The following PDE10A variants were observed in gnomAD, a reference collection of about 807,000 sequenced individuals.
The protein encoded by PDE10A is cAMP and cAMP-inhibited cGMP 3',5'-cyclic phosphodiesterase 10A.
A neutral mutation model predicts 97.7 loss-of-function variants in PDE10A; 39 were observed. The observed-to-expected ratio is 0.40, with a 90% confidence interval of 0.31 to 0.52. PDE10A has a LOEUF of 0.52. Ranked by LOEUF, PDE10A falls within the 20% of genes least tolerant of loss-of-function variation. The pLI, the probability that PDE10A is intolerant of heterozygous loss-of-function variation, is 0.56. For missense variants in PDE10A, 731 were observed against 1,047.8 expected (o/e 0.70, Z 4.17); for synonymous variants, 371 against 376.8 (o/e 0.98, Z 0.18).
At chr6:165,413,046 T>C (rs942630493) in intron 13 of PDE10A, among the ~76,000 whole-genome samples, 2 of 152,014 alleles carry the variant, frequency 1.3e-5, no homozygotes, top group East Asian at 1.9e-4. Flanking sequence ...CGAGAATGCA[T>C]GTGACATGGA....
intron 13 of PDE10A, among the ~76,000 whole-genome samples, chr6:165,409,034 G>A (rs946937835): frequency 5.3e-5 from 8 of 150,324 alleles, no homozygotes; most frequent in Non-Finnish European, 8.9e-5. Context: ...GTGTAGTGGC[G>A]GGTGCCTGTA....
intron 1 of PDE10A, among the ~76,000 whole-genome samples, chr6:165,929,903 AC>A (rs1210178903): frequency 1.3e-5 from 2 of 151,568 alleles, no homozygotes; most frequent in East Asian, 3.9e-4. Context: ...ATGACCGGGC[AC>A]ATATCACTCC....
intron 1 of PDE10A, among the ~76,000 whole-genome samples, chr6:165,651,608 A>C (rs1789689379): frequency 6.6e-6 from 1 of 152,184 alleles, no homozygotes. Flanking sequence ...GGGCAATACC[A>C]AGGTGTTTCA....
chr6:165,541,629 T>A (rs6913064), intron 2 of PDE10A, among the ~76,000 whole-genome samples: 29,716 of 152,206 alleles, frequency 0.2, 2,997 homozygotes, highest in Admixed American at 0.21. Flanking sequence ...CATCTTTTTT[T>A]ATCAAGTGCT....
At chr6:165,414,077 A>G (rs975147115) in intron 12 of PDE10A, among the ~76,000 whole-genome samples, 1 of 152,218 alleles carries the variant, frequency 6.6e-6, no homozygotes, top group African/African-American at 2.4e-5. Flanking sequence ...TATGAGAGAT[A>G]TAACTTGCTA....
chr6:165,758,822 G>T (rs1274409100), intron 1 of PDE10A, among the ~76,000 whole-genome samples: 1 of 152,176 alleles, frequency 6.6e-6, no homozygotes, highest in African/African-American at 2.4e-5. Context: ...AATCTGGTGT[G>T]CACAGTCTCC....
chr6:165,454,528 A>G (rs1053540838), intron 3 of PDE10A, among the ~76,000 whole-genome samples: 2 of 152,122 alleles, frequency 1.3e-5, no homozygotes, highest in African/African-American at 2.4e-5. Flanking sequence ...GGGGGAGTGA[A>G]TTAGTTATCT....
rs181713573 is a variant in PDE10A at position 165,924,888 on chromosome 6, A to C, written c.-615+62641T>G. On this transcript the variant is annotated intron_variant, in intron 1 of 19. Transcript: ENST00000366882. ...AGTTCTTAGATTGGACACCAAAGGC[A>C]TGAGTCATTAAAGAGAAAATTGATA... Among the ~76,000 whole-genome samples the C allele has an allele frequency of 1.2e-3, 189 of 152,336 alleles. 1 individual carries two copies. The highest frequency in any genetic ancestry group is 4.3e-3 in the African/African-American group (180 of 41,574).
intron 1 of PDE10A, among the ~76,000 whole-genome samples, chr6:165,588,071 T>C (rs1393684613): frequency 6.6e-6 from 1 of 152,234 alleles, no homozygotes. Flanking sequence ...ATGTATCTTT[T>C]GTTCTTAAGG....
intron 10 of PDE10A, among the ~76,000 whole-genome samples, chr6:165,426,981 T>G (rs1789210228): frequency 6.6e-6 from 1 of 152,078 alleles, no homozygotes; most frequent in Non-Finnish European, 1.5e-5. Context: ...TTGGTGAGGA[T>G]GTGGAGAAAT....
At chr6:165,675,038 A>G (rs917656886) in intron 1 of PDE10A, among the ~76,000 whole-genome samples, 1 of 152,212 alleles carries the variant, frequency 6.6e-6, no homozygotes, top group Non-Finnish European at 1.5e-5. Flanking sequence ...TTCAAGCTTG[A>G]GTTTTCAGAG....
intron 1 of PDE10A, among the ~76,000 whole-genome samples, chr6:165,785,289 T>C (rs1471967202): frequency 6.6e-6 from 1 of 152,208 alleles, no homozygotes; most frequent in East Asian, 1.9e-4. Flanking sequence ...TAAATACTAG[T>C]AGTTATTCTC....
At chr6:165,429,852 A>G (rs1209019128) in intron 9 of PDE10A, among the ~76,000 whole-genome samples, 1 of 151,948 alleles carries the variant, frequency 6.6e-6, no homozygotes, top group African/African-American at 2.4e-5. Flanking sequence ...AGAAATGATA[A>G]CTGAGATACT....
intron 1 of PDE10A, among the ~76,000 whole-genome samples, chr6:165,804,814 C>T (rs1007133631): frequency 2.6e-5 from 4 of 151,554 alleles, no homozygotes; most frequent in African/African-American, 4.9e-5. Flanking sequence ...CGGGCGGAGA[C>T]TGACAGGCGT....
chr6:165,653,892 AG>A (rs925786395), intron 1 of PDE10A, among the ~76,000 whole-genome samples: 1 of 151,974 alleles, frequency 6.6e-6, no homozygotes, highest in African/African-American at 2.4e-5. Flanking sequence ...CTCTGCACAA[AG>A]CCCCCCAGCC....
chr6:165,621,719 G>T (rs948076181), intron 1 of PDE10A, among the ~76,000 whole-genome samples: 2 of 150,614 alleles, frequency 1.3e-5, no homozygotes, highest in East Asian at 3.9e-4. Context: ...TTGCGCCACT[G>T]AACTCCAGCC....
chr6:165,410,166 CA>C (rs57149209), intron 13 of PDE10A, among the ~76,000 whole-genome samples: 104,182 of 151,882 alleles, frequency 0.69, 36,342 homozygotes, highest in Middle Eastern at 0.84. Context: ...TGCTGTAATA[CA>C]AAGCGGCAAT....
chr6:165,678,207 GTC>G (rs1453051713), intron 1 of PDE10A, among the ~76,000 whole-genome samples: 1 of 4,692 alleles, frequency 2.1e-4, no homozygotes, highest in Non-Finnish European at 6.4e-4. Context: ...GTATATGTGT[GTC>G]TGTGTGTGTA....
rs111861509 is a variant in PDE10A at position 165,472,176 on chromosome 6, A to G, written c.1023+10139T>C. Among the ~76,000 whole-genome samples, 70 of 152,134 alleles carry G rather than the reference A, an allele frequency of 4.6e-4. 1 individual carries two copies. Among genetic ancestry groups the G allele is most frequent in the African/African-American group, 1.6e-3 (67 of 41,534 alleles). On this transcript the variant is annotated intron_variant, in intron 3 of 21. Transcript: ENST00000539869. ...ATTTTTTCAGTTTTTTCACTATAGCAGTATATTCAGGTTTCTTAACTCTTC... is the reference window on the plus strand; with the variant it reads ...ATTTTTTCAGTTTTTTCACTATAGCGGTATATTCAGGTTTCTTAACTCTTC...
Sources: gnomAD v4.1 joint callset for allele counts (sites outside exome capture counted in the v4.1 genomes callset) on GRCh38, gnomAD v4.1.1 for gene constraint, MANE v1.5 for transcripts, NCBI Gene and HGNC (gene_info 2026-07-23, HGNC 2026-07-21) for gene names.